The following DOCK3 variants were observed in gnomAD, a reference collection of about 807,000 sequenced individuals.
DOCK3 encodes the protein dedicator of cytokinesis 3.
In DOCK3, 60 loss-of-function variants were observed where a neutral mutation model predicts 265.6. That is an observed-to-expected ratio of 0.23 (90% CI 0.18 to 0.28). The LOEUF (loss-of-function observed/expected upper bound fraction) is 0.28, where lower values mean the gene tolerates loss of function less well. DOCK3 is among the 10% of genes least tolerant of loss of function. DOCK3 has a pLI of 1.00. For missense variants in DOCK3, 1,981 were observed against 2,594.3 expected (o/e 0.76, Z 5.14); for synonymous variants, 881 against 938.0 (o/e 0.94, Z 1.11).
At chr3:50,937,780 C>A (rs903935459) in intron 5 of DOCK3, among the ~76,000 whole-genome samples, 1 of 151,870 alleles carries the variant, frequency 6.6e-6, no homozygotes, top group Middle Eastern at 3.4e-3. Context: ...ACTGTAAAAT[C>A]AAAATAGAAC....
chr3:51,107,630 A>G (rs1392527391), intron 9 of DOCK3, among the ~76,000 whole-genome samples: 1 of 152,234 alleles, frequency 6.6e-6, no homozygotes, highest in East Asian at 1.9e-4. Flanking sequence ...AAGACAGACA[A>G]GAATAAAGAA....
At chr3:51,054,490 C>T (rs1322047646) in intron 5 of DOCK3, among the ~76,000 whole-genome samples, 2 of 152,142 alleles carry the variant, frequency 1.3e-5, no homozygotes, top group African/African-American at 4.8e-5. Context: ...ATTCTTTTAG[C>T]CTAAAAGCTA....
chr3:51,365,430 A>C (rs552672065), intron 49 of DOCK3, among the ~76,000 whole-genome samples: 1 of 152,338 alleles, frequency 6.6e-6, no homozygotes, highest in South Asian at 2.1e-4. Context: ...TGTCATCTGC[A>C]AACAGGGACA....
At chr3:51,240,940 G>C (rs2078585635) in intron 21 of DOCK3, among the ~76,000 whole-genome samples, 1 of 152,118 alleles carries the variant, frequency 6.6e-6, no homozygotes, top group Non-Finnish European at 1.5e-5. Context: ...TTCAAAGTTA[G>C]TATTGATATG....
At chr3:50,735,768 CTGGGTAA>C (rs1489606615) in intron 1 of DOCK3, among the ~76,000 whole-genome samples, 1 of 152,086 alleles carries the variant, frequency 6.6e-6, no homozygotes, top group Non-Finnish European at 1.5e-5. Flanking sequence ...ATACCTGAGA[CTGGGTAA>C]TGCATAAATA....
intron 1 of DOCK3, among the ~76,000 whole-genome samples, chr3:50,684,580 C>G (rs573579400): frequency 6.6e-6 from 1 of 152,268 alleles, no homozygotes; most frequent in African/African-American, 2.4e-5. Context: ...CAGTATGAAT[C>G]CCTCTCTCTC....
chr3:50,855,354 G>T (rs2046535373), intron 3 of DOCK3, among the ~76,000 whole-genome samples: 1 of 151,320 alleles, frequency 6.6e-6, no homozygotes, highest in Non-Finnish European at 1.5e-5. Flanking sequence ...TTGGTTAAAT[G>T]TATTCCTAGG....
At position 51,312,527 on chromosome 3, in the gene DOCK3, C is replaced by T. The variant is rs2083134241; in HGVS notation, c.3145C>T (p.Leu1049Phe). The change falls in exon 30 of 53, where the codon CTT becomes TTT. Residue 1049 changes from leucine (L) to phenylalanine (F), a missense_variant. Transcript: ENST00000266037. ...AGTTCTATTCATAAATCAGCCAAGCCTTCAGCTAGAAATTATCACCTCAGC... is the reference window on the plus strand; with the variant it reads ...AGTTCTATTCATAAATCAGCCAAGCTTTCAGCTAGAAATTATCACCTCAGC... ...LAVLFINQPS[L>F]QLEIITSAKR... 1 of 1,603,158 alleles carries T rather than the reference C, an allele frequency of 6.2e-7. No individual in the cohort carries two copies. The highest frequency in any genetic ancestry group is 8.5e-7 in the Non-Finnish European group (1 of 1,177,632).
At chr3:51,175,177 G>A (rs2086875657) in intron 12 of DOCK3, among the ~76,000 whole-genome samples, 2 of 152,176 alleles carry the variant, frequency 1.3e-5, no homozygotes, top group African/African-American at 2.4e-5. Context: ...GCCTCCAGTG[G>A]CACAGATAGG....
At chr3:50,861,943 T>C (rs144209689) in intron 3 of DOCK3, among the ~76,000 whole-genome samples, 1 of 152,060 alleles carries the variant, frequency 6.6e-6, no homozygotes, top group East Asian at 1.9e-4. Context: ...GATACTGCTA[T>C]GTAAGGTTTT....
chr3:50,961,174 T>C (rs2076875376), intron 5 of DOCK3, among the ~76,000 whole-genome samples: 1 of 152,230 alleles, frequency 6.6e-6, no homozygotes, highest in African/African-American at 2.4e-5. Context: ...TTTTTCCATA[T>C]TGCTTTGGCT....
chr3:51,134,946 A>G (rs1350009176), intron 9 of DOCK3, among the ~76,000 whole-genome samples: 1 of 152,206 alleles, frequency 6.6e-6, no homozygotes, highest in Non-Finnish European at 1.5e-5. Context: ...TGTTGTAAAG[A>G]TCAAGAGCAA....
At chr3:51,111,845 CTT>C (rs368751399) in intron 9 of DOCK3, among the ~76,000 whole-genome samples, 2 of 152,070 alleles carry the variant, frequency 1.3e-5, no homozygotes, top group East Asian at 1.9e-4. Flanking sequence ...CTATAAGAAA[CTT>C]AACACATTTA....
At chr3:51,222,949 A>G (rs77456122) in intron 14 of DOCK3, among the ~76,000 whole-genome samples, 2,029 of 152,216 alleles carry the variant, frequency 0.013, 52 homozygotes, top group African/African-American at 0.045. Flanking sequence ...CTGTTTATTT[A>G]TTTTTAAAAG....
At chr3:50,979,452 G>GGGC (rs138387424) in intron 5 of DOCK3, among the ~76,000 whole-genome samples, 1 of 152,230 alleles carries the variant, frequency 6.6e-6, no homozygotes, top group East Asian at 1.9e-4. Context: ...CATTATAAGA[G>GGGC]AGTTCTTGCT....
At chr3:51,370,788 A>G (rs1325899517) in intron 49 of DOCK3, among the ~76,000 whole-genome samples, 2 of 152,250 alleles carry the variant, frequency 1.3e-5, no homozygotes, top group African/African-American at 4.8e-5. Context: ...GTGGGTTTAC[A>G]GGGCTCACTG....
intron 5 of DOCK3, among the ~76,000 whole-genome samples, chr3:50,940,463 T>C (rs1303029506): frequency 6.6e-6 from 1 of 152,206 alleles, no homozygotes; most frequent in Non-Finnish European, 1.5e-5. Flanking sequence ...AAATATTTGT[T>C]CTATCCAGAC....
At chr3:51,155,908 A>T (rs896273938) in intron 10 of DOCK3, among the ~76,000 whole-genome samples, 1 of 152,214 alleles carries the variant, frequency 6.6e-6, no homozygotes, top group Non-Finnish European at 1.5e-5. Context: ...GATTTGTTAC[A>T]TAAACAAATG....
intron 9 of DOCK3, among the ~76,000 whole-genome samples, chr3:51,141,505 T>C (rs2085068915): frequency 6.6e-6 from 1 of 152,196 alleles, no homozygotes; most frequent in Non-Finnish European, 1.5e-5. Flanking sequence ...ACATATGGTG[T>C]GAAATAAAGG....
Sources: gnomAD v4.1 joint callset for allele counts (sites outside exome capture counted in the v4.1 genomes callset) on GRCh38, gnomAD v4.1.1 for gene constraint, MANE v1.5 for transcripts, NCBI Gene and HGNC (gene_info 2026-07-23, HGNC 2026-07-21) for gene names.